The following RPTOR variants were observed in gnomAD, a reference collection of about 807,000 sequenced individuals.
The protein encoded by RPTOR is regulatory-associated protein of mTOR.
In RPTOR, 21 loss-of-function variants were observed where a neutral mutation model predicts 169.9. The observed-to-expected ratio is 0.12, with a 90% CI of 0.09 to 0.18. RPTOR has a LOEUF of 0.18. Ranked by LOEUF, RPTOR falls within the 10% of genes least tolerant of loss-of-function variation. The probability of loss-of-function intolerance (pLI) is 1.00; values close to 1 mark genes in which losing one functional copy is unlikely to be tolerated. For missense variants in RPTOR, 1,133 were observed against 1,855.9 expected (o/e 0.61, Z 7.16); for synonymous variants, 732 against 753.2 (o/e 0.97, Z 0.46).
intron 1 of RPTOR, among the ~76,000 whole-genome samples, chr17:80,563,696 G>A (rs543120203): frequency 1.3e-5 from 2 of 151,808 alleles, no homozygotes; most frequent in South Asian, 4.2e-4. Flanking sequence ...TCACTTAAAT[G>A]TCCCTAAGCA....
chr17:80,822,492 A>G (rs949289523), intron 8 of RPTOR, among the ~76,000 whole-genome samples, 191 bp downstream of exon 8: 1 of 152,234 alleles, frequency 6.6e-6, no homozygotes, highest in African/African-American at 2.4e-5. Context: ...ACTGCACGCC[A>G]GGTTCTCAGA....
In RPTOR at chr17:80,883,771, G is replaced by T. The variant is rs369763226; in HGVS notation, c.1651-10G>T. 3 of 1,612,852 alleles carry T rather than the reference G, an allele frequency of 1.9e-6. No individual in the cohort carries two copies. Among genetic ancestry groups the T allele is most frequent in the African/African-American group, 1.3e-5 (1 of 74,936 alleles). On this transcript the variant is annotated splice_polypyrimidine_tract_variant and intron_variant, in intron 15 of 33. Coordinates refer to ENST00000306801, the MANE Select transcript of RPTOR (RefSeq NM_020761.3). ...CAGAGGCCAACCTGTCTGTGGTCCC[G>T]CCTCTGCAGGAAGCCTGCCTTCAGG... is the stretch of plus-strand genomic sequence containing the variant.
chr17:80,906,241 G>A (rs1018485463), intron 20 of RPTOR, among the ~76,000 whole-genome samples: 2 of 152,060 alleles, frequency 1.3e-5, no homozygotes, highest in South Asian at 2.1e-4. Context: ...CGCAGCCATC[G>A]CCGATGTCCT....
intron 3 of RPTOR, among the ~76,000 whole-genome samples, chr17:80,680,211 A>G (rs2065887977): frequency 6.6e-6 from 1 of 152,114 alleles, no homozygotes; most frequent in African/African-American, 2.4e-5. Context: ...CTCCCTGTTC[A>G]TTGTCTCACC....
chr17:80,939,756 G>A (rs750645146), intron 24 of RPTOR, among the ~76,000 whole-genome samples: 4 of 152,226 alleles, frequency 2.6e-5, no homozygotes, highest in Non-Finnish European at 4.4e-5. Context: ...AATAAAGGCA[G>A]TGTCTCCTCA....
At chr17:80,690,642 C>T (rs1020868122) in intron 3 of RPTOR, among the ~76,000 whole-genome samples, 2 of 148,244 alleles carry the variant, frequency 1.3e-5, no homozygotes, top group Non-Finnish European at 3.0e-5. Context: ...CACAGCCGGG[C>T]TCCCCTAGAT....
intron 5 of RPTOR, among the ~76,000 whole-genome samples, chr17:80,739,979 A>C (rs2066468607): frequency 6.6e-6 from 1 of 152,214 alleles, no homozygotes. Flanking sequence ...ACAATGGAGA[A>C]ATATTAAAAG....
chr17:80,698,180 C>T (rs1450698789), intron 3 of RPTOR, among the ~76,000 whole-genome samples: 1 of 152,104 alleles, frequency 6.6e-6, no homozygotes, highest in Non-Finnish European at 1.5e-5. Context: ...ACTGAGGGTC[C>T]ACAGAGGAGG....
chr17:80,819,378 TCTTTA>T (rs1434743543), intron 7 of RPTOR, among the ~76,000 whole-genome samples: 2 of 152,282 alleles, frequency 1.3e-5, no homozygotes, highest in African/African-American at 2.4e-5. Flanking sequence ...TTGTCTTGCT[TCTTTA>T]CTTAATGTTA....
intron 7 of RPTOR, among the ~76,000 whole-genome samples, chr17:80,818,701 A>G (rs1243840268): frequency 6.6e-6 from 1 of 152,204 alleles, no homozygotes; most frequent in Non-Finnish European, 1.5e-5. Flanking sequence ...GGCTGGGCAG[A>G]TGACTCTGTC....
At chr17:80,687,995 T>C (rs1423629015) in intron 3 of RPTOR, among the ~76,000 whole-genome samples, 1 of 152,162 alleles carries the variant, frequency 6.6e-6, no homozygotes, top group African/African-American at 2.4e-5. Flanking sequence ...TCAGCACCGC[T>C]AGCTTCACAC....
At chr17:80,855,923 G>A (rs997735165) in intron 12 of RPTOR, among the ~76,000 whole-genome samples, 1 of 152,202 alleles carries the variant, frequency 6.6e-6, no homozygotes, top group Non-Finnish European at 1.5e-5. Context: ...TCCCCCAGGA[G>A]GAGTCTGGAT....
At chr17:80,571,264 A>G (rs550625191) in intron 1 of RPTOR, among the ~76,000 whole-genome samples, 75 of 152,258 alleles carry the variant, frequency 4.9e-4, no homozygotes, top group African/African-American at 1.8e-3. Flanking sequence ...TGTTCTTTTC[A>G]TTTAGCTATT....
intron 20 of RPTOR, among the ~76,000 whole-genome samples, chr17:80,908,305 C>T (rs2068569659): frequency 6.6e-6 from 1 of 152,174 alleles, no homozygotes; most frequent in Admixed American, 6.5e-5. Flanking sequence ...TTCGTGAAGT[C>T]CTAGCATCTC....
At chr17:80,574,596 A>G (rs925854465) in intron 1 of RPTOR, among the ~76,000 whole-genome samples, 14 of 152,074 alleles carry the variant, frequency 9.2e-5, no homozygotes, top group Non-Finnish European at 1.3e-4. Flanking sequence ...TTTAAAGTCA[A>G]TGGGACTGTA....
intron 27 of RPTOR, chr17:80,948,748 CA>C (rs1238743904): frequency 6.6e-6 from 1 of 152,508 alleles, no homozygotes; most frequent in Non-Finnish European, 1.5e-5. Context: ...CTGGTGAGGC[CA>C]GGGGGTGCGG....
chr17:80,589,094 G>A (rs1314557001), intron 1 of RPTOR, among the ~76,000 whole-genome samples: 1 of 152,168 alleles, frequency 6.6e-6, no homozygotes, highest in Non-Finnish European at 1.5e-5. Flanking sequence ...TCCTAGGGAT[G>A]AATAATTACC....
intron 5 of RPTOR, among the ~76,000 whole-genome samples, chr17:80,750,599 G>A (rs1410145120): frequency 1.3e-5 from 2 of 152,190 alleles, no homozygotes; most frequent in Non-Finnish European, 2.9e-5. Context: ...CTGTTGTGAC[G>A]CGGGTCTGAG....
chr17:80,596,952 A>G (rs1157871005), intron 1 of RPTOR, among the ~76,000 whole-genome samples: 2 of 152,202 alleles, frequency 1.3e-5, no homozygotes, highest in Admixed American at 6.5e-5. Context: ...TTTGGGAGGC[A>G]GTGCTGGACA....
Sources: allele counts gnomAD v4.1 joint callset (sites outside exome capture counted in the v4.1 genomes callset), GRCh38; gene constraint gnomAD v4.1.1; transcripts MANE v1.5; gene names NCBI Gene and HGNC (gene_info 2026-07-23, HGNC 2026-07-21).